Variants in LRMDA observed in about 807,000 individuals in gnomAD.
LRMDA encodes leucine-rich melanocyte differentiation-associated protein.
Under a neutral mutation model 29.8 loss-of-function variants are expected in LRMDA, and 18 were observed. The observed-to-expected ratio is 0.60, with a 90% CI of 0.42 to 0.90. LRMDA has a LOEUF of 0.90. Among genes scored for constraint, LRMDA ranks in the 40% least tolerant of loss-of-function variants. LRMDA has a pLI of 0.00. For synonymous variants in LRMDA, 125 were observed against 109.4 expected (o/e 1.14, Z -0.89); for missense variants, 273 against 273.9 (o/e 1.00, Z 0.02).
intron 6 of LRMDA, among the ~76,000 whole-genome samples, chr10:76,487,099 T>A (rs550343790): frequency 6.6e-6 from 1 of 151,994 alleles, no homozygotes; most frequent in African/African-American, 2.4e-5. Flanking sequence ...ACGGTGATGA[T>A]GAAAGTGTGG....
intron 2 of LRMDA, among the ~76,000 whole-genome samples, chr10:75,995,002 T>G (rs1447816505): frequency 6.6e-6 from 1 of 152,230 alleles, no homozygotes; most frequent in Admixed American, 6.5e-5. Flanking sequence ...GATCTTTCTT[T>G]ATCTGGGTGG....
At chr10:75,886,382 A>G (rs1031508782) in intron 2 of LRMDA, among the ~76,000 whole-genome samples, 1 of 152,220 alleles carries the variant, frequency 6.6e-6, no homozygotes, top group Non-Finnish European at 1.5e-5. Flanking sequence ...TAGGACCACA[A>G]ATAGGTCTAT....
At chr10:76,234,014 C>T (rs1852106211) in intron 5 of LRMDA, among the ~76,000 whole-genome samples, 1 of 152,184 alleles carries the variant, frequency 6.6e-6, no homozygotes, top group Non-Finnish European at 1.5e-5. Flanking sequence ...GAATCCTTTC[C>T]AGAAGATTTT....
intron 2 of LRMDA, among the ~76,000 whole-genome samples, chr10:76,020,178 G>T (rs549460986): frequency 7.2e-5 from 11 of 152,348 alleles, no homozygotes; most frequent in South Asian, 2.1e-4. Context: ...CCAGATGTGG[G>T]TCGCCTACCC....
At chr10:75,922,004 T>A (rs1385122430) in intron 2 of LRMDA, among the ~76,000 whole-genome samples, 3 of 152,190 alleles carry the variant, frequency 2.0e-5, no homozygotes, top group African/African-American at 7.2e-5. Context: ...CCTTTTACTT[T>A]TTATCTCTTT....
intron 6 of LRMDA, among the ~76,000 whole-genome samples, chr10:76,508,433 A>G (rs763805116): frequency 1.3e-5 from 2 of 152,176 alleles, no homozygotes; most frequent in African/African-American, 2.4e-5. Context: ...GAAAGAGTTT[A>G]CCATGCTCTC....
intron 2 of LRMDA, among the ~76,000 whole-genome samples, chr10:75,910,080 A>G (rs903313159): frequency 6.6e-6 from 1 of 152,174 alleles, no homozygotes; most frequent in African/African-American, 2.4e-5. Flanking sequence ...CATAGGAGAA[A>G]CTTGAGTTGG....
intron 6 of LRMDA, among the ~76,000 whole-genome samples, chr10:76,538,408 T>C (rs1202159369): frequency 5.4e-5 from 8 of 149,174 alleles, no homozygotes; most frequent in African/African-American, 2.0e-4. Flanking sequence ...AGTTTATTGA[T>C]TTTATTTTTG....
intron 2 of LRMDA, among the ~76,000 whole-genome samples, chr10:75,671,380 C>G (rs964413576): frequency 3.3e-5 from 5 of 152,110 alleles, no homozygotes; most frequent in Non-Finnish European, 7.4e-5. Flanking sequence ...ATTCCTGTCA[C>G]AGCTCCTCTT....
intron 2 of LRMDA, among the ~76,000 whole-genome samples, chr10:75,558,039 T>G (rs551524793): frequency 1.3e-5 from 2 of 152,250 alleles, no homozygotes; most frequent in African/African-American, 4.8e-5. Context: ...GGGTATGCAC[T>G]GCACTGCTTC....
chr10:75,849,575 G>A (rs1844696816), intron 2 of LRMDA, among the ~76,000 whole-genome samples: 2 of 152,080 alleles, frequency 1.3e-5, no homozygotes, highest in Admixed American at 1.3e-4. Context: ...GATACAGGGA[G>A]GGAAACAACA....
At chr10:76,206,198 C>T (rs376474193) in intron 5 of LRMDA, among the ~76,000 whole-genome samples, 4 of 152,270 alleles carry the variant, frequency 2.6e-5, no homozygotes, top group South Asian at 4.1e-4. Context: ...AGCTACTAAC[C>T]GTTCTATCCA....
At chr10:76,400,284 G>A (rs1275491691) in intron 6 of LRMDA, among the ~76,000 whole-genome samples, 1 of 152,144 alleles carries the variant, frequency 6.6e-6, no homozygotes, top group African/African-American at 2.4e-5. Flanking sequence ...CCCCAGTTAA[G>A]CCTCAGATGA....
intron 2 of LRMDA, among the ~76,000 whole-genome samples, chr10:75,797,856 C>A (rs1020778237): frequency 6.6e-6 from 1 of 152,146 alleles, no homozygotes. Context: ...ATATATTTCA[C>A]TTCATTTGGA....
At chr10:76,537,755 C>T (rs562868673) in intron 6 of LRMDA, among the ~76,000 whole-genome samples, 4 of 152,272 alleles carry the variant, frequency 2.6e-5, no homozygotes, top group Admixed American at 2.0e-4. Context: ...TGCCATGTCA[C>T]ATAACGTATT....
At chr10:75,853,588 G>A (rs1187513449) in intron 2 of LRMDA, among the ~76,000 whole-genome samples, 1 of 152,116 alleles carries the variant, frequency 6.6e-6, no homozygotes, top group East Asian at 1.9e-4. Flanking sequence ...AATCATTTGT[G>A]CATCTGAATA....
intron 6 of LRMDA, among the ~76,000 whole-genome samples, chr10:76,551,017 T>A (rs1333893676): frequency 1.3e-5 from 2 of 152,082 alleles, no homozygotes; most frequent in African/African-American, 4.8e-5. Context: ...AAAACATGGG[T>A]GTTTATTCCT....
chr10:75,550,863 A>G (rs758609243), intron 2 of LRMDA, among the ~76,000 whole-genome samples: 16 of 152,088 alleles, frequency 1.1e-4, no homozygotes, highest in South Asian at 2.1e-4. Context: ...CAGTATATAT[A>G]TTTAACACAG....
chr10:76,101,451 T>G (rs1157154868), intron 5 of LRMDA, among the ~76,000 whole-genome samples: 2 of 152,180 alleles, frequency 1.3e-5, no homozygotes, highest in African/African-American at 4.8e-5. Flanking sequence ...TTAAAAAATT[T>G]TATTGCCAGG....
Sources: gnomAD v4.1 joint callset for allele counts (sites outside exome capture counted in the v4.1 genomes callset) on GRCh38, gnomAD v4.1.1 for gene constraint, MANE v1.5 for transcripts, NCBI Gene and HGNC (gene_info 2026-07-23, HGNC 2026-07-21) for gene names.